Variants in ADAMTS6 observed in about 807,000 individuals in gnomAD.
ADAMTS6 encodes the protein ADAM metallopeptidase with thrombospondin type 1 motif 6, also known as A disintegrin and metalloproteinase with thrombospondin motifs 6.
A neutral mutation model predicts 144.3 loss-of-function variants in ADAMTS6; 23 were observed. That is an observed-to-expected ratio of 0.16 (90% confidence interval 0.11 to 0.23). The LOEUF (loss-of-function observed/expected upper bound fraction) is 0.23. ADAMTS6 is among the 10% of genes least tolerant of loss of function. ADAMTS6 has a pLI of 1.00. For synonymous variants in ADAMTS6, 444 were observed against 457.5 expected (o/e 0.97, Z 0.38); for missense variants, 999 against 1,379.6 (o/e 0.72, Z 4.37).
chr5:65,252,312 A>G (rs1760239846), intron 14 of ADAMTS6, among the ~76,000 whole-genome samples: 1 of 117,768 alleles, frequency 8.5e-6, no homozygotes, highest in Non-Finnish European at 1.7e-5. Flanking sequence ...TTTGTGACCA[A>G]TCTTTTTTTT....
intron 10 of ADAMTS6, among the ~76,000 whole-genome samples, chr5:65,299,592 T>C (rs2112795399): frequency 6.6e-6 from 1 of 152,286 alleles, no homozygotes; most frequent in East Asian, 1.9e-4. Flanking sequence ...TGTTGTTGTT[T>C]GTTACTATTA....
At chr5:65,270,704 A>G (rs920325339) in intron 12 of ADAMTS6, among the ~76,000 whole-genome samples, 5 of 152,208 alleles carry the variant, frequency 3.3e-5, no homozygotes, top group Admixed American at 3.3e-4. Flanking sequence ...TGTTTTGTAG[A>G]TAAGTTTTAG....
At chr5:65,419,497 T>A (rs1344538856) in intron 7 of ADAMTS6, among the ~76,000 whole-genome samples, 1 of 152,094 alleles carries the variant, frequency 6.6e-6, no homozygotes, top group Non-Finnish European at 1.5e-5. Context: ...AACCTCAGCA[T>A]CACACAATAT....
At chr5:65,469,459 TG>T (rs1424574652) in intron 3 of ADAMTS6, among the ~76,000 whole-genome samples, 1 of 152,230 alleles carries the variant, frequency 6.6e-6, no homozygotes, top group African/African-American at 2.4e-5. Context: ...TCTATGATAA[TG>T]AATAGTGTGC....
chr5:65,224,886 A>C (rs1204806792), intron 17 of ADAMTS6, 38 bp downstream of exon 17: 11 of 1,582,688 alleles, frequency 7.0e-6, no homozygotes, highest in Non-Finnish European at 7.7e-6. Flanking sequence ...CTCCAAGTAC[A>C]CCAGAGGTGT....
chr5:65,263,096 TCTAA>T (rs1307468580), intron 12 of ADAMTS6, 134 bp from the exon 13 acceptor site: 2 of 1,102,634 alleles, frequency 1.8e-6, no homozygotes, highest in Non-Finnish European at 2.6e-6. Context: ...CAGATAGTTC[TCTAA>T]CTGTGTTTAG....
intron 2 of ADAMTS6, among the ~76,000 whole-genome samples, chr5:65,472,516 A>AT (rs1246718993): frequency 6.6e-6 from 1 of 152,184 alleles, no homozygotes; most frequent in Non-Finnish European, 1.5e-5. Flanking sequence ...CAATAAAGCT[A>AT]TTTTAAAAAC....
At chr5:65,436,929 C>T (rs751513929) in intron 7 of ADAMTS6, among the ~76,000 whole-genome samples, 5 of 152,032 alleles carry the variant, frequency 3.3e-5, no homozygotes, top group East Asian at 1.9e-4. Flanking sequence ...TCAATTTTCA[C>T]GCTGCTGATA....
At chr5:65,464,182 C>A (rs1445865162) in intron 3 of ADAMTS6, among the ~76,000 whole-genome samples, 1 of 152,192 alleles carries the variant, frequency 6.6e-6, no homozygotes, top group African/African-American at 2.4e-5. Context: ...TGTGCACATA[C>A]CCTGAATCCC....
Position 65,451,553 on chromosome 5 carries a change from A to G in ADAMTS6, c.995T>C (p.Ile332Thr), listed in dbSNP as rs1156856469. 1 of 1,613,400 alleles carries G rather than the reference A, an allele frequency of 6.2e-7. No homozygotes were observed. The highest frequency in any genetic ancestry group is 1.7e-5 in the Admixed American group (1 of 59,846). ...LDSFCKWQKS[I>T]LSHQSDGNTI... is the part of the protein sequence containing the mutation. ...GTTTCCATCACTTTGGTGGGAGAGA[A>G]TGGATTTCTGCCATTTACAGAAGCT... Residue 332 changes from isoleucine to threonine, a missense_variant, in exon 7 of 25, where the codon ATT becomes ACT. This residue lies in a region of ADAMTS6 where 128 missense variants were observed against 249.0 expected (regional missense o/e 0.51). Coordinates refer to ENST00000381055, the MANE Select transcript of ADAMTS6 (RefSeq NM_197941.4).
intron 12 of ADAMTS6, among the ~76,000 whole-genome samples, chr5:65,263,833 T>C (rs567848064): frequency 6.6e-6 from 1 of 152,356 alleles, no homozygotes; most frequent in South Asian, 2.1e-4. Flanking sequence ...AATGCTACTA[T>C]GAAAGTCATT....
At chr5:65,228,547 T>C (rs1183734377) in intron 15 of ADAMTS6, among the ~76,000 whole-genome samples, 1 of 152,090 alleles carries the variant, frequency 6.6e-6, no homozygotes, top group East Asian at 1.9e-4. Context: ...CAAGTGTACC[T>C]TTATGGGACT....
At chr5:65,386,899 C>A (rs1439288797) in intron 7 of ADAMTS6, among the ~76,000 whole-genome samples, 2 of 152,152 alleles carry the variant, frequency 1.3e-5, no homozygotes, top group East Asian at 3.9e-4. Flanking sequence ...GTATTAACTT[C>A]TTTAATCAAC....
intron 12 of ADAMTS6, among the ~76,000 whole-genome samples, chr5:65,269,790 CTTTTTTTT>C (rs897216515): frequency 1.5e-5 from 2 of 133,214 alleles, no homozygotes; most frequent in African/African-American, 5.5e-5. Context: ...AGTGTAAGTA[CTTTTTTTT>C]TTTTTTTTTT....
intron 3 of ADAMTS6, 33 bp from the exon 4 acceptor site, chr5:65,460,371 G>T: frequency 6.5e-7 from 1 of 1,540,212 alleles, no homozygotes; most frequent in Non-Finnish European, 8.8e-7. Flanking sequence ...ACTTACCAAA[G>T]AGAATCATTT....
chr5:65,366,895 C>T (rs1462938255), intron 7 of ADAMTS6, among the ~76,000 whole-genome samples: 1 of 152,122 alleles, frequency 6.6e-6, no homozygotes, highest in African/African-American at 2.4e-5. Context: ...TAAATTTTAG[C>T]AGTCTATCCA....
intron 7 of ADAMTS6, among the ~76,000 whole-genome samples, chr5:65,381,517 C>A (rs11747143): frequency 4.1e-5 from 6 of 147,066 alleles, no homozygotes; most frequent in Non-Finnish European, 7.5e-5. Flanking sequence ...CATGGATCAC[C>A]GTGCCTGGCT....
chr5:65,271,520 C>T (rs1361157092), intron 12 of ADAMTS6, among the ~76,000 whole-genome samples: 5 of 151,792 alleles, frequency 3.3e-5, no homozygotes, highest in Admixed American at 6.6e-5. Context: ...AATTTATCAT[C>T]TCTATCATAT....
chr5:65,453,716 A>G (rs1758944890), intron 4 of ADAMTS6, among the ~76,000 whole-genome samples: 1 of 152,214 alleles, frequency 6.6e-6, no homozygotes, highest in Non-Finnish European at 1.5e-5. Flanking sequence ...CATTAAATAA[A>G]CTTGAGCATG....
Sources: allele counts gnomAD v4.1 joint callset (sites outside exome capture counted in the v4.1 genomes callset), GRCh38; gene constraint gnomAD v4.1.1; regional missense constraint gnomAD v4.1.1; transcripts MANE v1.5; gene names NCBI Gene and HGNC (gene_info 2026-07-23, HGNC 2026-07-21).